ADCY8: variants seen among roughly 807,000 people sequenced by gnomAD.
ADCY8 encodes adenylate cyclase type 8.
Under a neutral mutation model 119.7 loss-of-function variants are expected in ADCY8, and 51 were observed. The observed-to-expected ratio is 0.43, with a 90% confidence interval of 0.34 to 0.54. The LOEUF is 0.54. Ranked by LOEUF, ADCY8 falls within the 20% of genes least tolerant of loss-of-function variation. ADCY8 has a pLI of 0.03. For missense variants in ADCY8, 1,383 were observed against 1,598.8 expected, an observed-to-expected ratio of 0.87 and a Z score of 2.30; for synonymous variants, 665 against 651.0, an observed-to-expected ratio of 1.02 and a Z score of -0.33.
chr8:130,837,618 T>G (rs1817028628), intron 11 of ADCY8, among the ~76,000 whole-genome samples: 1 of 152,214 alleles, frequency 6.6e-6, no homozygotes, highest in Non-Finnish European at 1.5e-5. Context: ...GATTTCAGCC[T>G]TTTATGGGAA....
intron 1 of ADCY8, among the ~76,000 whole-genome samples, chr8:131,027,212 A>G (rs1258152508): frequency 1.3e-5 from 2 of 152,304 alleles, no homozygotes; most frequent in East Asian, 1.9e-4. Flanking sequence ...AACAAACACA[A>G]TTCTCCATTT....
Position 130,924,202 on chromosome 8 carries a change from A to G in ADCY8, c.1481+12871T>C, listed in dbSNP as rs548885639. Among the ~76,000 whole-genome samples the G allele has an allele frequency of 8.5e-4, 130 of 152,208 alleles. 8 individuals carry two copies. In the South Asian group the frequency reaches 0.026, roughly 31 times the overall value. ...TGATCTAGGTGGAGGTAATTATACA[A>G]CCTCTGTTAGCTTGTATGGCAGAGG... On this transcript the variant is annotated intron_variant, in intron 5 of 17. Coordinates refer to ENST00000286355, the MANE Select transcript of ADCY8 (RefSeq NM_001115.3).
At chr8:130,958,066 A>G (rs1217589117) in intron 2 of ADCY8, among the ~76,000 whole-genome samples, 1 of 152,146 alleles carries the variant, frequency 6.6e-6, no homozygotes, top group Non-Finnish European at 1.5e-5. Context: ...AGACCCCAGA[A>G]TGGTAGATCT....
At chr8:131,017,444 C>T (rs1304750807) in intron 1 of ADCY8, among the ~76,000 whole-genome samples, 1 of 152,182 alleles carries the variant, frequency 6.6e-6, no homozygotes, top group Non-Finnish European at 1.5e-5. Context: ...AATTTGGACT[C>T]TTTACTCCTA....
Position 130,780,393 on chromosome 8 carries a change from T to A in ADCY8, c.3753A>T (p.Pro1251=), listed in dbSNP as rs535708818. 1.6e-5 allele frequency: 23 copies of A among 1,470,154 alleles called. No individual in the cohort carries two copies. Among genetic ancestry groups the A allele is most frequent in the Non-Finnish European group, 2.1e-5 (23 of 1,107,878 alleles). 91.1% of individuals were successfully genotyped at this position (1,470,154 alleles called of 1,614,324 possible). A position where few individuals can be genotyped will look rare whatever the true frequency, so the allele number is the denominator to read the frequency against. ...AAAAAACAGAAAGAAAATGCTTTTA[T>A]GGCAAATCAGATTTGTCGGTGCCTT... ...QAEGTDKSDL[P] is the part of the protein sequence containing the mutation. The change falls in exon 18 of 18, where the codon CCA becomes CCT. Residue 1251 remains proline (P), a synonymous_variant. Transcript: ENST00000286355.
At chr8:131,017,719 C>T (rs1331548114) in intron 1 of ADCY8, among the ~76,000 whole-genome samples, 1 of 152,088 alleles carries the variant, frequency 6.6e-6, no homozygotes, top group Non-Finnish European at 1.5e-5. Flanking sequence ...AGCCTACTAG[C>T]AATCACTGCA....
chr8:131,011,114 G>A (rs769930125), intron 1 of ADCY8, among the ~76,000 whole-genome samples: 7 of 151,826 alleles, frequency 4.6e-5, no homozygotes, highest in East Asian at 1.9e-4. Context: ...TAGGATAGAC[G>A]CATGCAGCCC....
Position 131,040,368 on chromosome 8 carries a change from T to G in ADCY8, c.-35A>C. Reference sequence around the variant, plus strand: ...CCGCAGGGAAGGAGGCCCAGAACCTTGGGGAGGCAGCCGGAGGAGGGGTTC... The same window carrying G: ...CCGCAGGGAAGGAGGCCCAGAACCTGGGGGAGGCAGCCGGAGGAGGGGTTC... On this transcript the variant is annotated 5_prime_UTR_variant, in exon 1 of 18. Coordinates refer to ENST00000286355, the MANE Select transcript of ADCY8 (RefSeq NM_001115.3). The G allele has an allele frequency of 6.9e-7, 1 of 1,456,636 alleles. No homozygotes were observed. Among genetic ancestry groups the G allele is most frequent in the Non-Finnish European group, 9.0e-7 (1 of 1,111,540 alleles). 90.2% of individuals were successfully genotyped at this position (1,456,636 alleles called of 1,614,324 possible).
chr8:130,987,944 A>G (rs1189759420), intron 2 of ADCY8, among the ~76,000 whole-genome samples: 1 of 152,190 alleles, frequency 6.6e-6, no homozygotes, highest in African/African-American at 2.4e-5. Flanking sequence ...ATTCATATAA[A>G]TCATTACACA....
chr8:130,942,859 T>C (rs115408590), intron 4 of ADCY8, among the ~76,000 whole-genome samples: 248 of 152,300 alleles, frequency 1.6e-3, no homozygotes, highest in African/African-American at 5.8e-3. Context: ...AGCTGGAAAA[T>C]GAAGGTACTG....
intron 6 of ADCY8, among the ~76,000 whole-genome samples, chr8:130,906,086 A>G (rs1343304504): frequency 2.0e-5 from 3 of 152,222 alleles, no homozygotes; most frequent in Non-Finnish European, 2.9e-5. Context: ...TTCAAGTGCA[A>G]GATGTTAAAA....
At chr8:131,003,206 T>TCTCACACACACACACACACA (rs372048150) in intron 1 of ADCY8, among the ~76,000 whole-genome samples, 77 of 137,584 alleles carry the variant, frequency 5.6e-4, no homozygotes, top group African/African-American at 1.8e-3. Flanking sequence ...TGAAACACCA[T>TCTCACACACACACACACACA]CACACACACA....
At position 130,960,556 on chromosome 8, in the gene ADCY8, C is replaced by A. The variant is rs143413762; in HGVS notation, c.1111-8558G>T. 4.7e-3 allele frequency among the ~76,000 whole-genome samples: 710 copies of A among 152,116 alleles called. 8 individuals are homozygous for A. The highest frequency in any genetic ancestry group is 0.016 in the African/African-American group (657 of 41,484). On this transcript the variant is annotated intron_variant, in intron 2 of 17. Coordinates refer to ENST00000286355, the MANE Select transcript of ADCY8 (RefSeq NM_001115.3). Reference sequence around the variant, plus strand: ...CAGAGCAAGAGGGTTTCTGCAGCCACCTAGGCACAGGCGAGAATGATACAA... The same window carrying A: ...CAGAGCAAGAGGGTTTCTGCAGCCAACTAGGCACAGGCGAGAATGATACAA...
At chr8:131,030,189 C>T (rs1823955880) in intron 1 of ADCY8, among the ~76,000 whole-genome samples, 1 of 152,110 alleles carries the variant, frequency 6.6e-6, no homozygotes, top group Non-Finnish European at 1.5e-5. Context: ...GGCAGCTCTT[C>T]AGTTTTCAGC....
intron 2 of ADCY8, among the ~76,000 whole-genome samples, chr8:130,965,187 G>T (rs530030419): frequency 1.3e-5 from 2 of 152,152 alleles, no homozygotes; most frequent in East Asian, 3.9e-4. Flanking sequence ...GTTTAATTAG[G>T]TCCCACCTGT....
chr8:130,964,449 T>G (rs1288377709), intron 2 of ADCY8, among the ~76,000 whole-genome samples: 1 of 152,216 alleles, frequency 6.6e-6, no homozygotes, highest in Non-Finnish European at 1.5e-5. Context: ...TTTAATTAAA[T>G]ATTAAATAAA....
chr8:131,020,490 G>C (rs536534093), intron 1 of ADCY8, among the ~76,000 whole-genome samples: 1 of 152,190 alleles, frequency 6.6e-6, no homozygotes, highest in South Asian at 2.1e-4. Context: ...AATAGAGAAT[G>C]CTGAATTCAT....
At chr8:131,002,665 T>TA (rs34152328) in intron 1 of ADCY8, among the ~76,000 whole-genome samples, 2,286 of 140,444 alleles carry the variant, frequency 0.016, 24 homozygotes, top group African/African-American at 0.029. Context: ...TAAGAAAAGG[T>TA]AAAAAAAAAA....
chr8:130,977,445 A>G (rs2130716871), intron 2 of ADCY8, among the ~76,000 whole-genome samples: 1 of 152,214 alleles, frequency 6.6e-6, no homozygotes, highest in East Asian at 1.9e-4. Context: ...CATACTCCAA[A>G]CATCTCTATT....
Sources: gnomAD v4.1 joint callset for allele counts (sites outside exome capture counted in the v4.1 genomes callset) on GRCh38, gnomAD v4.1.1 for gene constraint, MANE v1.5 for transcripts, NCBI Gene and HGNC (gene_info 2026-07-23, HGNC 2026-07-21) for gene names.